The following LRBA variants were observed in gnomAD, a reference collection of about 807,000 sequenced individuals.
LRBA encodes lipopolysaccharide-responsive and beige-like anchor protein.
LRBA carries 176 observed loss-of-function variants against 330.0 expected under a neutral mutation model. The observed-to-expected ratio is 0.53, with a 90% CI of 0.47 to 0.60. LRBA has a LOEUF of 0.60. Among genes scored for constraint, LRBA ranks in the 20% least tolerant of loss-of-function variants. The pLI, the probability that LRBA is intolerant of heterozygous loss-of-function variation, is 0.00. For synonymous variants in LRBA, 1,230 were observed against 1,193.0 expected (o/e 1.03, Z -0.64); for missense variants, 3,259 against 3,444.8 (o/e 0.95, Z 1.35).
chr4:150,924,206 A>G (rs1354518928), intron 4 of LRBA, among the ~76,000 whole-genome samples: 1 of 152,128 alleles, frequency 6.6e-6, no homozygotes, highest in Non-Finnish European at 1.5e-5. Flanking sequence ...GTACTGGTAA[A>G]GCCTTTCAGA....
chr4:150,598,072 T>A (rs1370314166), intron 38 of LRBA, among the ~76,000 whole-genome samples: 5 of 152,152 alleles, frequency 3.3e-5, no homozygotes, highest in African/African-American at 1.2e-4. Flanking sequence ...AAATTCTTAA[T>A]ATCCTTATTG....
chr4:150,615,110 A>G (rs1375271397), intron 37 of LRBA, among the ~76,000 whole-genome samples: 1 of 152,258 alleles, frequency 6.6e-6, no homozygotes, highest in Non-Finnish European at 1.5e-5. Flanking sequence ...CCGGCAGGGA[A>G]AACAGTAATG....
At chr4:150,326,800 A>C (rs775294090) in intron 48 of LRBA, among the ~76,000 whole-genome samples, 3 of 152,154 alleles carry the variant, frequency 2.0e-5, no homozygotes, top group Non-Finnish European at 2.9e-5. Context: ...AAGGAAGCAA[A>C]CACATATAAA....
intron 34 of LRBA, among the ~76,000 whole-genome samples, chr4:150,768,982 G>C (rs891840387): frequency 2.2e-5 from 3 of 134,162 alleles, no homozygotes; most frequent in Admixed American, 1.6e-4. Flanking sequence ...CTGTCACCCA[G>C]GCTGGAGAGC....
chr4:150,614,669 G>C (rs1775587286), intron 37 of LRBA, among the ~76,000 whole-genome samples: 1 of 152,154 alleles, frequency 6.6e-6, no homozygotes, highest in Non-Finnish European at 1.5e-5. Context: ...TATAATTGAA[G>C]TAGAGATCAA....
At position 150,897,805 on chromosome 4, in the gene LRBA, AG is replaced by A; in HGVS notation, c.1937del (p.Pro646LeufsTer14). On this transcript the variant is annotated frameshift_variant, in exon 15 of 57. Coordinates refer to ENST00000651943, the MANE Select transcript of LRBA (RefSeq NM_001364905.1). LOFTEE classifies it high-confidence loss of function. The part of the protein sequence containing the change: ...ITPKGLDGPR[P>X]NQKEMLSLRA... ...GTAGAGAAAGCATTTCTTTTTGATT[AG>A]GTCGCGGTCCATCTTTTAAAAAAAT... 1 of 1,611,254 alleles carries A rather than the reference AG, an allele frequency of 6.2e-7. No homozygotes were observed. Among genetic ancestry groups the A allele is most frequent in the Non-Finnish European group, 8.5e-7 (1 of 1,178,056 alleles).
chr4:150,271,643 G>A (rs1284476380), intron 56 of LRBA, among the ~76,000 whole-genome samples: 1 of 151,612 alleles, frequency 6.6e-6, no homozygotes, highest in Non-Finnish European at 1.5e-5. Flanking sequence ...GCAGTCTGAA[G>A]TTGACCTGGG....
At chr4:150,857,705 T>C (rs750697344) in intron 22 of LRBA, among the ~76,000 whole-genome samples, 3 of 152,196 alleles carry the variant, frequency 2.0e-5, no homozygotes, top group Non-Finnish European at 2.9e-5. Context: ...TATAAATCAA[T>C]AGATTTTTTA....
chr4:150,863,935 A>G (rs993043591), intron 22 of LRBA, among the ~76,000 whole-genome samples: 2 of 151,746 alleles, frequency 1.3e-5, no homozygotes, highest in Non-Finnish European at 2.9e-5. Flanking sequence ...CACTTTATTT[A>G]TTTATTTATT....
intron 40 of LRBA, among the ~76,000 whole-genome samples, chr4:150,566,786 A>C (rs977416884): frequency 2.4e-4 from 37 of 152,124 alleles, no homozygotes; most frequent in African/African-American, 8.7e-4. Context: ...TTAAAAATAC[A>C]CAGAAAGTAC....
chr4:150,802,142 C>T (rs1741731638), intron 33 of LRBA, among the ~76,000 whole-genome samples: 1 of 150,668 alleles, frequency 6.6e-6, no homozygotes, highest in Non-Finnish European at 1.5e-5. Flanking sequence ...ATCAACTGAG[C>T]CCAGGAAGAC....
intron 2 of LRBA, among the ~76,000 whole-genome samples, chr4:150,945,916 C>T (rs1271592672): frequency 3.3e-5 from 5 of 152,022 alleles, no homozygotes; most frequent in Admixed American, 2.6e-4. Flanking sequence ...TCTCCTGCCT[C>T]GGCCTCCCAA....
chr4:150,345,800 C>T (rs893895161), intron 48 of LRBA, among the ~76,000 whole-genome samples: 36 of 152,026 alleles, frequency 2.4e-4, no homozygotes, highest in African/African-American at 8.5e-4. Flanking sequence ...TAATAAAAGA[C>T]TATTCCCCTC....
intron 2 of LRBA, among the ~76,000 whole-genome samples, chr4:150,948,798 AAAG>A (rs565300029): frequency 1.3e-3 from 195 of 152,140 alleles, no homozygotes; most frequent in African/African-American, 4.5e-3. Flanking sequence ...ACGTTTCACC[AAAG>A]AAGACATAAA....
intron 44 of LRBA, among the ~76,000 whole-genome samples, chr4:150,445,590 T>C (rs1337937452): frequency 6.6e-6 from 1 of 151,942 alleles, no homozygotes; most frequent in African/African-American, 2.4e-5. Context: ...TCCATAAAGA[T>C]TAGTAAAAAT....
intron 47 of LRBA, among the ~76,000 whole-genome samples, chr4:150,392,394 G>C (rs1744107495): frequency 6.6e-6 from 1 of 152,182 alleles, no homozygotes; most frequent in Non-Finnish European, 1.5e-5. Context: ...AGCAGAGTGA[G>C]TAGGGTGTCT....
intron 2 of LRBA, among the ~76,000 whole-genome samples, chr4:151,006,540 T>C (rs1040492178): frequency 1.3e-5 from 2 of 152,134 alleles, no homozygotes; most frequent in South Asian, 2.1e-4. Context: ...TGGACATTTC[T>C]GTTTCAACCA....
intron 2 of LRBA, 44 bp downstream of exon 2, chr4:151,014,383 C>T: frequency 1.3e-6 from 2 of 1,497,902 alleles, no homozygotes; most frequent in Non-Finnish European, 1.9e-6. Context: ...TGTTCCCCAA[C>T]CCACTGAAAA....
intron 37 of LRBA, among the ~76,000 whole-genome samples, chr4:150,680,119 G>A (rs981329033): frequency 2.6e-5 from 4 of 152,148 alleles, no homozygotes; most frequent in African/African-American, 7.2e-5. Flanking sequence ...CTGTTCATTT[G>A]TGGCTTCTTT....
Sources: gnomAD v4.1 joint callset for allele counts (sites outside exome capture counted in the v4.1 genomes callset) on GRCh38, gnomAD v4.1.1 for gene constraint, MANE v1.5 for transcripts, NCBI Gene and HGNC (gene_info 2026-07-23, HGNC 2026-07-21) for gene names.